The following SAMD4A variants were observed in gnomAD, a reference collection of about 807,000 sequenced individuals.
The protein encoded by SAMD4A is sterile alpha motif domain containing 4A.
In SAMD4A, 33 loss-of-function variants were observed where a neutral mutation model predicts 81.3. The observed-to-expected ratio is 0.41, with a 90% CI of 0.31 to 0.54. The LOEUF (loss-of-function observed/expected upper bound fraction) is 0.54, where lower values mean the gene tolerates loss of function less well. Among genes scored for constraint, SAMD4A ranks in the 20% least tolerant of loss-of-function variants. The probability of loss-of-function intolerance (pLI) is 0.37; values close to 1 mark genes in which losing one functional copy is unlikely to be tolerated. For missense variants in SAMD4A, 854 were observed against 951.1 expected, an observed-to-expected ratio of 0.90 and a Z score of 1.34; for synonymous variants, 389 against 382.1, an observed-to-expected ratio of 1.02 and a Z score of -0.21.
intron 9 of SAMD4A, 65 bp from the exon 10 acceptor site, chr14:54,774,869 G>A: frequency 4.8e-6 from 7 of 1,451,254 alleles, no homozygotes; most frequent in Non-Finnish European, 6.8e-6. Flanking sequence ...CCCTTGGGAA[G>A]CCTGTGGCTT....
intron 2 of SAMD4A, among the ~76,000 whole-genome samples, chr14:54,630,543 T>G (rs1304544088): frequency 6.6e-6 from 1 of 152,238 alleles, no homozygotes. Context: ...ATTTTGTTGT[T>G]GCATTGTAGG....
chr14:54,638,648 T>C (rs1014417501), intron 2 of SAMD4A, among the ~76,000 whole-genome samples: 15 of 152,196 alleles, frequency 9.9e-5, no homozygotes, highest in African/African-American at 3.6e-4. Flanking sequence ...CCGTTTCTGT[T>C]GCTATTTTTT....
In SAMD4A at chr14:54,702,321, C is replaced by T. The variant is rs370570421; in HGVS notation, c.456C>T (p.Asp152=). ...ALAMWLNHLE[D]RTSTSFGGQN... ...CCATGTGGCTGAATCACTTGGAGGA[C>T]CGCACGTCGACCAGCTTTGGTGGCC... Residue 152 remains aspartate, a synonymous_variant, in exon 3 of 13, where the codon GAC becomes GAT. Coordinates refer to ENST00000554335, the MANE Select transcript of SAMD4A (RefSeq NM_015589.6). The T allele has an allele frequency of 3.1e-5, 50 of 1,613,156 alleles. No homozygotes were observed. The highest frequency in any genetic ancestry group is 4.1e-5 in the Non-Finnish European group (48 of 1,179,448).
At chr14:54,649,390 C>T (rs756587701) in intron 2 of SAMD4A, among the ~76,000 whole-genome samples, 8 of 152,164 alleles carry the variant, frequency 5.3e-5, no homozygotes, top group Non-Finnish European at 7.3e-5. Context: ...GAGAGAAACA[C>T]GCCATTCTGC....
In SAMD4A at chr14:54,760,173, G is replaced by T. The variant is rs777737214; in HGVS notation, c.1189G>T (p.Gly397Trp). Residue 397 changes from glycine to tryptophan, a missense_variant, in exon 7 of 13, where the codon GGG (glycine) becomes TGG (tryptophan). Coordinates refer to ENST00000554335, the MANE Select transcript of SAMD4A (RefSeq NM_015589.6). ...LKSLERDIIE[G>W]GSLRIPLQEL... ...TCTCACCGTCCAGGACATCATCGAG[G>T]GGGGCAGCCTGCGCATCCCGCTCCA... is the stretch of plus-strand genomic sequence containing the variant. The T allele has an allele frequency of 1.2e-6, 2 of 1,612,356 alleles. No homozygotes were observed. The highest frequency in any genetic ancestry group is 1.7e-6 in the Non-Finnish European group (2 of 1,179,648).
intron 2 of SAMD4A, among the ~76,000 whole-genome samples, chr14:54,580,016 G>T (rs2140141231): frequency 6.6e-6 from 1 of 152,330 alleles, no homozygotes; most frequent in East Asian, 1.9e-4. Context: ...ATAAGAGTGA[G>T]TTGTATTTAT....
At chr14:54,707,196 T>G (rs1266467862) in intron 3 of SAMD4A, among the ~76,000 whole-genome samples, 1 of 149,870 alleles carries the variant, frequency 6.7e-6, no homozygotes, top group Non-Finnish European at 1.5e-5. Context: ...ATCAACCTCC[T>G]GGACTCAAGC....
At chr14:54,702,761 A>G in intron 3 of SAMD4A, 181 bp downstream of exon 3, 1 of 701,338 alleles carries the variant, frequency 1.4e-6, no homozygotes, top group Non-Finnish European at 2.3e-6. Context: ...CTCTGCAAAG[A>G]TGAAAATACT....
chr14:54,706,604 CAAAAAAAAAAAAGAAAGAAA>C (rs2036864508), intron 3 of SAMD4A, among the ~76,000 whole-genome samples: 1 of 77,722 alleles, frequency 1.3e-5, no homozygotes, highest in Admixed American at 1.6e-4. Context: ...GACTCTGTCT[CAAAAAAAAAAAAGAAAGAAA>C]GAAAGAAAAA....
chr14:54,674,626 T>A (rs371067347), intron 2 of SAMD4A, among the ~76,000 whole-genome samples: 3 of 152,254 alleles, frequency 2.0e-5, no homozygotes, highest in Admixed American at 6.5e-5. Context: ...TTTCTACAGA[T>A]GTCTTTAAAT....
chr14:54,654,154 A>G (rs1240913153), intron 2 of SAMD4A, among the ~76,000 whole-genome samples: 1 of 152,184 alleles, frequency 6.6e-6, no homozygotes, highest in Non-Finnish European at 1.5e-5. Context: ...GTAGATGACT[A>G]TGACATATAA....
intron 12 of SAMD4A, among the ~76,000 whole-genome samples, chr14:54,787,798 C>T (rs1032609637): frequency 6.6e-6 from 1 of 152,226 alleles, no homozygotes; most frequent in Non-Finnish European, 1.5e-5. Flanking sequence ...CCTTATCCTT[C>T]CTCAGGTTAT....
chr14:54,698,104 A>G (rs2140715240), intron 2 of SAMD4A, among the ~76,000 whole-genome samples: 1 of 152,384 alleles, frequency 6.6e-6, no homozygotes, highest in Middle Eastern at 3.4e-3. Context: ...AAGGAAGGGA[A>G]TTAGGCTCCA....
rs777449203 is a variant in SAMD4A, at chr14:54,686,965, A to G, written c.197-15097A>G. 2.4e-4 allele frequency among the ~76,000 whole-genome samples: 36 copies of G among 152,074 alleles called. 1 individual carries two copies. The highest frequency in any genetic ancestry group is 1.3e-4 in the Admixed American group (2 of 15,264). The stretch of plus-strand genomic sequence containing the variant: ...TTTGATAAATAAGCCAGTTCTTCCA[A>G]TCTTTGTGCTTTCCGGGGCTTGATT... On this transcript the variant is annotated intron_variant, in intron 2 of 12. Coordinates refer to ENST00000554335, the MANE Select transcript of SAMD4A (RefSeq NM_015589.6).
chr14:54,690,567 A>G (rs979185038), intron 2 of SAMD4A, among the ~76,000 whole-genome samples: 9 of 152,098 alleles, frequency 5.9e-5, no homozygotes, highest in African/African-American at 2.2e-4. Context: ...TCTCTACCCC[A>G]TTGGTCTGAT....
intron 11 of SAMD4A, among the ~76,000 whole-genome samples, chr14:54,781,208 G>A (rs1469619402): frequency 6.6e-6 from 1 of 152,180 alleles, no homozygotes; most frequent in African/African-American, 2.4e-5. Context: ...TTATTCTAAA[G>A]TCCTAAAGAA....
At chr14:54,619,933 T>A (rs1669447892) in intron 2 of SAMD4A, among the ~76,000 whole-genome samples, 1 of 152,208 alleles carries the variant, frequency 6.6e-6, no homozygotes, top group African/African-American at 2.4e-5. Context: ...TTTAAAGTAT[T>A]GTTTATTTTC....
chr14:54,724,541 G>C (rs562549663), intron 3 of SAMD4A, among the ~76,000 whole-genome samples: 2 of 152,212 alleles, frequency 1.3e-5, no homozygotes, highest in Non-Finnish European at 2.9e-5. Context: ...GCACTCTCCT[G>C]CGGCCTCTTT....
intron 2 of SAMD4A, among the ~76,000 whole-genome samples, chr14:54,700,008 C>A (rs908947642): frequency 2.0e-5 from 3 of 152,152 alleles, no homozygotes; most frequent in African/African-American, 7.2e-5. Flanking sequence ...GCACAGTAAA[C>A]CCATTTTCTT....
Sources: allele counts gnomAD v4.1 joint callset (sites outside exome capture counted in the v4.1 genomes callset), GRCh38; gene constraint gnomAD v4.1.1; transcripts MANE v1.5; gene names NCBI Gene and HGNC (gene_info 2026-07-23, HGNC 2026-07-21).